ESRRG: variants seen among roughly 807,000 people sequenced by gnomAD.
The protein encoded by ESRRG is estrogen related receptor gamma.
ESRRG carries 13 observed loss-of-function variants against 44.0 expected under a neutral mutation model. The observed-to-expected ratio is 0.30, with a 90% CI of 0.19 to 0.47. The LOEUF is 0.47. ESRRG is among the 20% of genes least tolerant of loss of function. The pLI, the probability that ESRRG is intolerant of heterozygous loss-of-function variation, is 1.00. For synonymous variants in ESRRG, 215 were observed against 214.6 expected (o/e 1.00, Z -0.02); for missense variants, 395 against 580.6 (o/e 0.68, Z 3.29).
intron 2 of ESRRG, among the ~76,000 whole-genome samples, chr1:216,652,423 G>A (rs1018225440): frequency 1.3e-5 from 2 of 152,184 alleles, no homozygotes; most frequent in Admixed American, 1.3e-4. Context: ...CTCAGCAACT[G>A]CTAATTCAAC....
chr1:216,947,496 A>AT (rs1560218016), intron 1 of ESRRG, among the ~76,000 whole-genome samples: 1 of 152,084 alleles, frequency 6.6e-6, no homozygotes, highest in Non-Finnish European at 1.5e-5. Flanking sequence ...CCTCAGATGT[A>AT]TTTTTTTCAG....
rs139023023 is a variant in ESRRG at position 216,758,183 on chromosome 1, A to G, written c.-13-80692T>C. Among the ~76,000 whole-genome samples, 618 of 152,132 alleles carry G rather than the reference A, an allele frequency of 4.1e-3. 5 individuals carry two copies. Among genetic ancestry groups the G allele is most frequent in the Middle Eastern group, 0.017 (5 of 294 alleles). On this transcript the variant is annotated intron_variant, in intron 2 of 7. Transcript: ENST00000359162. ...TCACTTCCATTAATTGTCACCTCCA[A>G]TAGAATATTGTAAGAGCCTCAAAAT...
At chr1:216,740,619 G>T (rs1575992836) in intron 2 of ESRRG, among the ~76,000 whole-genome samples, 1 of 150,312 alleles carries the variant, frequency 6.7e-6, no homozygotes, top group Admixed American at 6.6e-5. Flanking sequence ...GCAAAGGAAC[G>T]TGCTTAACAT....
chr1:217,116,091 T>TG (rs1306097561), intron 1 of ESRRG, among the ~76,000 whole-genome samples: 1 of 152,166 alleles, frequency 6.6e-6, no homozygotes, highest in Non-Finnish European at 1.5e-5. Flanking sequence ...TTAGTGTGTG[T>TG]TTTTTCCCAA....
intron 1 of ESRRG, chr1:216,715,331 A>G: frequency 1.4e-6 from 1 of 725,364 alleles, no homozygotes. Flanking sequence ...GGAAAAAGAC[A>G]TGGTTCTCAC....
intron 2 of ESRRG, among the ~76,000 whole-genome samples, chr1:216,796,230 C>T (rs541606276): frequency 2.6e-5 from 4 of 152,248 alleles, no homozygotes; most frequent in African/African-American, 7.2e-5. Flanking sequence ...CTGCTGAAAA[C>T]GAGAGCATTA....
intron 6 of ESRRG, among the ~76,000 whole-genome samples, chr1:216,518,095 C>T (rs6673734): frequency 0.51 from 77,800 of 151,920 alleles, 21,169 homozygotes; most frequent in East Asian, 0.72. Context: ...TCACTAGGAC[C>T]GCGCCAAATC....
intron 1 of ESRRG, among the ~76,000 whole-genome samples, chr1:217,021,473 G>A (rs925185620): frequency 2.6e-5 from 4 of 152,212 alleles, no homozygotes; most frequent in African/African-American, 9.6e-5. Flanking sequence ...AGAAGCAGCT[G>A]ACCTGAAAAG....
intron 2 of ESRRG, among the ~76,000 whole-genome samples, chr1:216,800,063 G>A (rs1450698934): frequency 2.0e-5 from 3 of 152,138 alleles, no homozygotes; most frequent in African/African-American, 7.2e-5. Context: ...AACAGAAGGT[G>A]CTAAATTAAG....
intron 1 of ESRRG, among the ~76,000 whole-genome samples, chr1:216,994,464 A>AAC (rs112022176): frequency 0.063 from 9,498 of 150,932 alleles, 647 homozygotes; most frequent in African/African-American, 0.17. Flanking sequence ...CATGTGTGTA[A>AAC]ACACACACAC....
intron 6 of ESRRG, among the ~76,000 whole-genome samples, chr1:216,513,323 C>A (rs534744217): frequency 7.9e-5 from 12 of 152,204 alleles, no homozygotes; most frequent in Non-Finnish European, 1.2e-4. Context: ...ATCAAGGAAG[C>A]CTTTCACATA....
Position 216,569,196 on chromosome 1 carries a change from GGAAAGGAAAGGAAAGGAAAGGAAA to G in ESRRG, c.590-1122_590-1099del, listed in dbSNP as rs2060305885. Among the ~76,000 whole-genome samples the G allele has an allele frequency of 3.6e-5, 3 of 83,414 alleles. No individual in the cohort carries two copies. In the Admixed American group the frequency reaches 4.0e-4, roughly 11 times the overall value. 54.7% of individuals were successfully genotyped at this position (83,414 alleles called of 152,430 possible). On this transcript the variant is annotated intron_variant, in intron 3 of 6. Coordinates refer to ENST00000408911, the MANE Select transcript of ESRRG (RefSeq NM_001438.4). Reference sequence around the variant, plus strand: ...GGAAGGGAAGGGAAGGGAAGGGAAAGGAAAGGAAAGGAAAGGAAAGGAAAGGAAAGGAAAGGAAAGGAAAGGAAA... The same window carrying G: ...GGAAGGGAAGGGAAGGGAAGGGAAAGGGAAAGGAAAGGAAAGGAAAGGAAA...
rs1453476198 is a variant in ESRRG at position 216,735,987 on chromosome 1, A to AAAAATATAT, written c.-13-58497_-13-58496insATATATTTT. On this transcript the variant is annotated intron_variant, in intron 2 of 7. Coordinates refer to the ESRRG transcript ENST00000359162. ...AGCAATACTCCCCATCTCAAAAAAA[A>AAAAATATAT]ATATATATATATATATATATACACA... Among the ~76,000 whole-genome samples the AAAAATATAT allele has an allele frequency of 1.1e-3, 155 of 137,108 alleles. 2 individuals carry two copies. Among genetic ancestry groups the AAAAATATAT allele is most frequent in the African/African-American group, 4.1e-3 (154 of 37,360 alleles). The allele number at this position is 137,108 out of a possible 152,430, so 89.9% of individuals were successfully genotyped here.
intron 1 of ESRRG, among the ~76,000 whole-genome samples, chr1:216,964,568 G>C (rs2069830981): frequency 6.6e-6 from 1 of 152,118 alleles, no homozygotes; most frequent in Non-Finnish European, 1.5e-5. Flanking sequence ...AGTGTATAGA[G>C]GGGTAAGGGT....
At chr1:216,890,092 C>T (rs1432945438) in intron 2 of ESRRG, among the ~76,000 whole-genome samples, 2 of 151,852 alleles carry the variant, frequency 1.3e-5, no homozygotes, top group African/African-American at 4.8e-5. Context: ...TGGGAAGATC[C>T]TGTCTCTACA....
chr1:216,734,230 T>A (rs1324076885), intron 2 of ESRRG, among the ~76,000 whole-genome samples: 1 of 152,190 alleles, frequency 6.6e-6, no homozygotes, highest in African/African-American at 2.4e-5. Context: ...CATTTTAGAC[T>A]CTCAACAAAT....
At chr1:216,863,135 C>G (rs978640105) in intron 2 of ESRRG, 10 of 152,072 alleles carry the variant, frequency 6.6e-5, no homozygotes, top group Admixed American at 1.3e-4. Flanking sequence ...ATTGTTGGGT[C>G]CGATGCCCAG....
At chr1:217,114,000 A>G (rs987763177) in intron 1 of ESRRG, among the ~76,000 whole-genome samples, 26 of 151,910 alleles carry the variant, frequency 1.7e-4, no homozygotes, top group Admixed American at 2.6e-4. Flanking sequence ...CCATGTTTCT[A>G]AAAGAAAAAA....
chr1:216,618,432 G>T (rs553563743), intron 3 of ESRRG, among the ~76,000 whole-genome samples: 6 of 152,272 alleles, frequency 3.9e-5, no homozygotes, highest in African/African-American at 1.4e-4. Flanking sequence ...AATTGAATCT[G>T]CCACCTTAGC....
Sources: allele counts gnomAD v4.1 joint callset (sites outside exome capture counted in the v4.1 genomes callset), GRCh38; gene constraint gnomAD v4.1.1; transcripts MANE v1.5; gene names NCBI Gene and HGNC (gene_info 2026-07-23, HGNC 2026-07-21).